Variants in FAAH2 observed in about 807,000 individuals in gnomAD.
FAAH2 encodes the protein fatty-acid amide hydrolase 2.
FAAH2 carries 60 observed loss-of-function variants against 36.9 expected under a neutral mutation model. The observed-to-expected ratio is 1.63, with a 90% CI of 1.32 to 2.02. The LOEUF (loss-of-function observed/expected upper bound fraction) is 2.02, where lower values mean the gene tolerates loss of function less well. Ranked by LOEUF, FAAH2 falls within the 30% of genes most tolerant of loss-of-function variation. The pLI is 0.00. For synonymous variants in FAAH2, 214 were observed against 143.8 expected (o/e 1.49, Z -3.49); for missense variants, 689 against 397.5 (o/e 1.73, Z -6.23).
At chrX:57,423,223 A>T (rs1313112110) in intron 7 of FAAH2, among the ~76,000 whole-genome samples, 1 of 112,147 alleles carries the variant, frequency 8.9e-6, no homozygotes, top group African/African-American at 3.2e-5. Context: ...TCTACTATCC[A>T]GAATGGGTGA....
intron 7 of FAAH2, among the ~76,000 whole-genome samples, chrX:57,399,852 C>T (rs1052001898): frequency 1.8e-5 from 2 of 111,849 alleles, no homozygotes; most frequent in Non-Finnish European, 3.8e-5. Context: ...TGAGTGAGGG[C>T]TATTATTTCT....
the FAAH2 span, among the ~76,000 whole-genome samples, chrX:57,150,342 C>G: frequency 1.8e-5 from 2 of 111,644 alleles, no homozygotes; most frequent in Admixed American, 9.5e-5. Flanking sequence ...ATTGATCTGT[C>G]TAATGTTGAC....
chrX:57,347,190 G>C (rs2053845596), intron 5 of FAAH2, among the ~76,000 whole-genome samples: 1 of 111,220 alleles, frequency 9.0e-6, no homozygotes, highest in African/African-American at 3.3e-5. Context: ...CCTCTCTCAG[G>C]CATGCCACTG....
the FAAH2 span, among the ~76,000 whole-genome samples, chrX:57,180,211 A>AGCAAAAACAAATGAACC: frequency 8.9e-6 from 1 of 111,877 alleles, no homozygotes; most frequent in Non-Finnish European, 1.9e-5. Context: ...GAGCTAGAGT[A>AGCAAAAACAAATGAACC]GCAAAAACAA....
intron 7 of FAAH2, among the ~76,000 whole-genome samples, chrX:57,412,431 T>C (rs1185002585): frequency 3.6e-5 from 4 of 111,145 alleles, no homozygotes. Context: ...GTTCATGTGT[T>C]CTCATTGTTC....
intron 10 of FAAH2, among the ~76,000 whole-genome samples, chrX:57,469,180 A>T (rs985277925): frequency 8.9e-6 from 1 of 112,175 alleles, no homozygotes; most frequent in African/African-American, 3.2e-5. Context: ...CTAGGAAGAA[A>T]CTGCATCAAC....
At chrX:57,150,207 G>A in the FAAH2 span, among the ~76,000 whole-genome samples, 2 of 112,126 alleles carry the variant, frequency 1.8e-5, no homozygotes, top group African/African-American at 6.5e-5. Context: ...GAACAGGTGT[G>A]ATGTGGTGCT....
chrX:57,269,044 T>A, the FAAH2 span, among the ~76,000 whole-genome samples: 1 of 110,735 alleles, frequency 9.0e-6, no homozygotes, highest in East Asian at 2.8e-4. Flanking sequence ...GGAAAATCTA[T>A]CAAGAAAATG....
intron 5 of FAAH2, among the ~76,000 whole-genome samples, chrX:57,352,029 TATATATAC>T (rs2054013069): frequency 1.6e-4 from 2 of 12,181 alleles, no homozygotes; most frequent in East Asian, 0.022. Context: ...TGTATATATA[TATATATAC>T]ATATATATAT....
At chrX:57,278,780 A>G in the FAAH2 span, among the ~76,000 whole-genome samples, 1 of 112,246 alleles carries the variant, frequency 8.9e-6, no homozygotes, top group Non-Finnish European at 1.9e-5. Flanking sequence ...AAAACACATT[A>G]AAATTTGGGC....
chrX:57,268,856 C>A, the FAAH2 span, among the ~76,000 whole-genome samples: 8 of 111,601 alleles, frequency 7.2e-5, no homozygotes, highest in African/African-American at 2.3e-4. Context: ...AACCAGCTAA[C>A]AAGATGATGA....
chrX:57,389,475 T>C (rs898373340), intron 7 of FAAH2, among the ~76,000 whole-genome samples: 1 of 108,847 alleles, frequency 9.2e-6, no homozygotes, highest in African/African-American at 3.3e-5. Context: ...TTATAAAACA[T>C]TTGTTTTTCT....
chrX:57,190,676 G>A, the FAAH2 span, among the ~76,000 whole-genome samples: 5 of 110,341 alleles, frequency 4.5e-5, no homozygotes, highest in African/African-American at 1.6e-4. Context: ...TTGCACTCCC[G>A]GGTGAGGTAA....
At chrX:57,258,081 C>A in the FAAH2 span, among the ~76,000 whole-genome samples, 1 of 111,664 alleles carries the variant, frequency 9.0e-6, no homozygotes, top group South Asian at 3.7e-4. Context: ...CAGCATGGTA[C>A]TGGCATAAAA....
chrX:57,281,335 G>C, the FAAH2 span, among the ~76,000 whole-genome samples: 1 of 111,600 alleles, frequency 9.0e-6, no homozygotes, highest in African/African-American at 3.3e-5. Flanking sequence ...ATGGTCAAAA[G>C]TTTATCATTT....
the FAAH2 span, among the ~76,000 whole-genome samples, chrX:57,213,718 C>A: frequency 9.0e-6 from 1 of 111,501 alleles, no homozygotes; most frequent in East Asian, 2.8e-4. Flanking sequence ...GTTTTTTTAA[C>A]TTATTGGGAT....
At chrX:57,340,528 C>A (rs779821604) in intron 4 of FAAH2, among the ~76,000 whole-genome samples, 1 of 111,771 alleles carries the variant, frequency 8.9e-6, no homozygotes, top group African/African-American at 3.3e-5. Flanking sequence ...ATAGCAAAGA[C>A]ATGGAATCAA....
At chrX:57,417,293 G>C (rs1457474262) in intron 7 of FAAH2, among the ~76,000 whole-genome samples, 1 of 111,959 alleles carries the variant, frequency 8.9e-6, no homozygotes, top group African/African-American at 3.3e-5. Flanking sequence ...TAATCTTTTG[G>C]AGGAGAAGCA....
At chrX:57,270,954 G>A in the FAAH2 span, among the ~76,000 whole-genome samples, 2 of 111,952 alleles carry the variant, frequency 1.8e-5, no homozygotes, top group East Asian at 2.8e-4. Flanking sequence ...ATACCCCAGT[G>A]GTGCATAGAA....
Sources: allele counts gnomAD v4.1 joint callset (sites outside exome capture counted in the v4.1 genomes callset), GRCh38; gene constraint gnomAD v4.1.1; transcripts MANE v1.5; gene names NCBI Gene and HGNC (gene_info 2026-07-23, HGNC 2026-07-21).